OOSP3: variants seen among roughly 807,000 people sequenced by gnomAD.
The protein encoded by OOSP3 is oocyte secreted protein family member 3, also known as oocyte-secreted protein 3.
At chr11:59,882,956 C>T (rs1424017152) in intron 2 of OOSP3, among the ~76,000 whole-genome samples, 2 of 152,130 alleles carry the variant, frequency 1.3e-5, no homozygotes, top group Non-Finnish European at 2.9e-5. Context: ...TGTCTCAATA[C>T]TGCATTCTTT....
intron 2 of OOSP3, among the ~76,000 whole-genome samples, chr11:59,886,300 G>C (rs1312265683): frequency 6.6e-6 from 1 of 152,140 alleles, no homozygotes; most frequent in Non-Finnish European, 1.5e-5. Context: ...ATCATTGATG[G>C]GCATTTGGGT....
chr11:59,883,275 C>A (rs1321203346), intron 2 of OOSP3, among the ~76,000 whole-genome samples: 2 of 152,172 alleles, frequency 1.3e-5, no homozygotes, highest in Non-Finnish European at 2.9e-5. Flanking sequence ...CTTTACCACT[C>A]ACCTAAAATA....
chr11:59,896,168 G>T (rs1853355653), exon 5 of OOSP3: 1 of 398,306 alleles, frequency 2.5e-6, no homozygotes, highest in Non-Finnish European at 4.4e-6. Context: ...TACTTAATAT[G>T]TCTCATCCAT....
chr11:59,884,929 G>A (rs1853238833), intron 2 of OOSP3, among the ~76,000 whole-genome samples: 1 of 152,192 alleles, frequency 6.6e-6, no homozygotes, highest in Non-Finnish European at 1.5e-5. Context: ...AGTTGTGAGA[G>A]TGAACATCTT....
In OOSP3 at chr11:59,893,394, A is replaced by G. The variant is rs559066724; in HGVS notation, c.253-685A>G. Among the ~76,000 whole-genome samples the G allele has an allele frequency of 5.3e-5, 8 of 152,258 alleles. No individual in the cohort carries two copies. In the South Asian group the frequency reaches 1.5e-3, roughly 28 times the overall value. On this transcript the variant is annotated intron_variant, in intron 2 of 4. Coordinates refer to ENST00000646438, the Ensembl canonical transcript of OOSP3. ...TTTTTTGACAGAGTCTTGTTCTGTC[A>G]TCAAGGCTGGAGTGCAGTGGCATGA...
At chr11:59,885,650 T>A (rs1448766037) in intron 2 of OOSP3, among the ~76,000 whole-genome samples, 1 of 152,234 alleles carries the variant, frequency 6.6e-6, no homozygotes, top group Non-Finnish European at 1.5e-5. Flanking sequence ...GTACATGATC[T>A]TCTTCCTTTT....
intron 2 of OOSP3, among the ~76,000 whole-genome samples, chr11:59,884,477 C>CTGTCTG (rs1265237314): frequency 8.4e-3 from 24 of 2,854 alleles, no homozygotes; most frequent in African/African-American, 0.014. Context: ...GTCTGTCTGT[C>CTGTCTG]TCTCTCTCTC....
At chr11:59,893,549 A>G (rs1228105410) in intron 2 of OOSP3, among the ~76,000 whole-genome samples, 1 of 152,024 alleles carries the variant, frequency 6.6e-6, no homozygotes, top group Non-Finnish European at 1.5e-5. Context: ...TAGAGATGAG[A>G]TCTTGCTATA....
At chr11:59,884,118 G>T (rs183130401) in intron 2 of OOSP3, among the ~76,000 whole-genome samples, 1 of 152,224 alleles carries the variant, frequency 6.6e-6, no homozygotes, top group Non-Finnish European at 1.5e-5. Flanking sequence ...TTAAATAACA[G>T]ACAGCAATTT....
chr11:59,891,979 G>T (rs77894269), intron 2 of OOSP3, among the ~76,000 whole-genome samples: 2,641 of 152,276 alleles, frequency 0.017, 86 homozygotes, highest in African/African-American at 0.059. Flanking sequence ...AAGGCTACTT[G>T]GCTCCCTGGC....
intron 2 of OOSP3, among the ~76,000 whole-genome samples, chr11:59,891,874 C>T (rs776191935): frequency 6.6e-6 from 1 of 152,202 alleles, no homozygotes; most frequent in Non-Finnish European, 1.5e-5. Context: ...ACTCTGTCAT[C>T]TTAGGCAGAC....
At chr11:59,891,534 C>T (rs1032531216) in intron 2 of OOSP3, among the ~76,000 whole-genome samples, 1 of 152,186 alleles carries the variant, frequency 6.6e-6, no homozygotes, top group African/African-American at 2.4e-5. Context: ...CTTCTGCAAG[C>T]CTGCTGCAGT....
chr11:59,896,184 C>T (rs1413758303), exon 5 of OOSP3: 2 of 398,286 alleles, frequency 5.0e-6, no homozygotes, highest in East Asian at 7.1e-5. Context: ...TCCATTAGTC[C>T]ATGAGAGTGC....
chr11:59,889,111 G>C (rs1305007619), intron 2 of OOSP3, among the ~76,000 whole-genome samples: 1 of 151,872 alleles, frequency 6.6e-6, no homozygotes, highest in Admixed American at 6.6e-5. Flanking sequence ...CTGATGGTTG[G>C]TTGTATTTCT....
intron 2 of OOSP3, among the ~76,000 whole-genome samples, chr11:59,886,358 C>T (rs181099249): frequency 1.6e-4 from 24 of 152,322 alleles, no homozygotes; most frequent in African/African-American, 2.4e-4. Flanking sequence ...TGAACATACA[C>T]GTGCGTGAAT....
At chr11:59,885,323 C>CT (rs757785892) in intron 2 of OOSP3, among the ~76,000 whole-genome samples, 2 of 152,048 alleles carry the variant, frequency 1.3e-5, no homozygotes, top group Non-Finnish European at 2.9e-5. Flanking sequence ...GATTTCTTCT[C>CT]TTTTTTCTTC....
intron 2 of OOSP3, among the ~76,000 whole-genome samples, chr11:59,888,231 T>A (rs1469039845): frequency 6.6e-6 from 1 of 152,234 alleles, no homozygotes; most frequent in African/African-American, 2.4e-5. Context: ...AGATATAGGA[T>A]CACATCATCT....
intron 3 of OOSP3, among the ~76,000 whole-genome samples, chr11:59,895,230 T>C (rs1853344675): frequency 6.6e-6 from 1 of 152,010 alleles, no homozygotes; most frequent in South Asian, 2.1e-4. Flanking sequence ...GGGAATTTTA[T>C]TTAGCTTATC....
intron 2 of OOSP3, among the ~76,000 whole-genome samples, chr11:59,893,295 T>G (rs1313846459): frequency 6.6e-6 from 1 of 152,210 alleles, no homozygotes; most frequent in Non-Finnish European, 1.5e-5. Context: ...AAAACATACC[T>G]AAATGTAATT....
Sources: allele counts gnomAD v4.1 joint callset (sites outside exome capture counted in the v4.1 genomes callset), GRCh38; gene constraint gnomAD v4.1.1; transcripts MANE v1.5; gene names NCBI Gene and HGNC (gene_info 2026-07-23, HGNC 2026-07-21).